The following RMST variants were observed in gnomAD, a reference collection of about 807,000 sequenced individuals.
RMST encodes rhabdomyosarcoma 2 associated transcript, also known as long intergenic non-protein coding RNA 54.
intron 5 of RMST, among the ~76,000 whole-genome samples, chr12:97,482,697 T>TAATAAATA (rs10629655): frequency 3.1e-5 from 2 of 65,076 alleles, no homozygotes; most frequent in African/African-American, 9.0e-5. Flanking sequence ...ATTATTTATT[T>TAATAAATA]AATAAATAAA....
At chr12:97,496,929 A>G (rs1241869281) in intron 10 of RMST, among the ~76,000 whole-genome samples, 2 of 152,214 alleles carry the variant, frequency 1.3e-5, no homozygotes, top group Non-Finnish European at 2.9e-5. Context: ...TAGGAAGACT[A>G]AAGTTCTGAG....
chr12:97,560,376 C>G (rs547456405), intron 11 of RMST, among the ~76,000 whole-genome samples: 2 of 152,208 alleles, frequency 1.3e-5, no homozygotes, highest in Admixed American at 1.3e-4. Context: ...AAAGCAGCTG[C>G]GTTTTTGTAA....
intron 11 of RMST, among the ~76,000 whole-genome samples, chr12:97,535,145 CT>C (rs1483268565): frequency 6.6e-6 from 1 of 151,514 alleles, no homozygotes. Context: ...GGAATTACTT[CT>C]TGTAATTTGT....
rs117753902 is a variant in RMST at position 97,501,147 on chromosome 12, G to A, written n.1340+5091G>A. 3.9e-4 allele frequency among the ~76,000 whole-genome samples: 59 copies of A among 152,246 alleles called. 1 individual carries two copies. The East Asian group carries it at 0.01, about 27-fold the overall frequency. ...GGAATATGACCTAGCTGAAGATAAG[G>A]CAGTTTTCTTATTCATTAGCAGAAG... On this transcript the variant is annotated intron_variant and non_coding_transcript_variant, in intron 10 of 13. Transcript: ENST00000640149.
chr12:97,495,345 G>A (rs568753255), intron 9 of RMST, among the ~76,000 whole-genome samples: 14 of 152,024 alleles, frequency 9.2e-5, no homozygotes, highest in South Asian at 2.1e-4. Context: ...TGGCGATTGT[G>A]TCTACTATTG....
chr12:97,463,430 C>T (rs1047760947), intron 4 of RMST: 13 of 152,340 alleles, frequency 8.5e-5, no homozygotes, highest in African/African-American at 3.1e-4. Context: ...CTGTGTTCTC[C>T]GGGCTTTGTG....
chr12:97,529,747 C>G (rs148684441), intron 10 of RMST, among the ~76,000 whole-genome samples: 12 of 152,004 alleles, frequency 7.9e-5, no homozygotes, highest in African/African-American at 2.2e-4. Context: ...AATGCTTCTA[C>G]GCATTACCTA....
At position 97,482,079 on chromosome 12, in the gene RMST, A is replaced by G. The variant is rs555809915; in HGVS notation, n.645-10382A>G. On this transcript the variant is annotated intron_variant and non_coding_transcript_variant, in intron 5 of 13. Coordinates refer to ENST00000640149, the Ensembl canonical transcript of RMST. ...CCTCCTAATATCAGAGAAGGAACAA[A>G]CATACATGCCTTAAGGAATCCCTTT... is the stretch of plus-strand genomic sequence containing the variant. Among the ~76,000 whole-genome samples, 281 of 152,340 alleles carry G rather than the reference A, an allele frequency of 1.8e-3. 3 individuals are homozygous for G. Among genetic ancestry groups the G allele is most frequent in the Middle Eastern group, 6.8e-3 (2 of 294 alleles).
intron 13 of RMST, chr12:97,563,659 A>G (rs1474605535): frequency 2.5e-6 from 1 of 404,698 alleles, no homozygotes; most frequent in Non-Finnish European, 4.8e-6. Context: ...TCGTGGAAGG[A>G]TAAAATCTTG....
intron 11 of RMST, among the ~76,000 whole-genome samples, chr12:97,543,510 C>G (rs1192931033): frequency 6.6e-6 from 1 of 152,012 alleles, no homozygotes; most frequent in Non-Finnish European, 1.5e-5. Context: ...TTCACAATCA[C>G]TGGGATAATG....
At chr12:97,466,930 C>T (rs1873259129) in intron 5 of RMST, among the ~76,000 whole-genome samples, 1 of 151,912 alleles carries the variant, frequency 6.6e-6, no homozygotes, top group African/African-American at 2.4e-5. Context: ...TTTGACACTT[C>T]CTTAGGAGAA....
intron 5 of RMST, among the ~76,000 whole-genome samples, chr12:97,489,101 CAATT>C (rs1213288630): frequency 6.6e-6 from 1 of 152,086 alleles, no homozygotes; most frequent in Non-Finnish European, 1.5e-5. Flanking sequence ...GATATAAAAA[CAATT>C]AAGCAAGCAA....
chr12:97,559,349 G>T (rs979770109), intron 11 of RMST, among the ~76,000 whole-genome samples: 2 of 152,152 alleles, frequency 1.3e-5, no homozygotes, highest in African/African-American at 4.8e-5. Context: ...GGAAATGACA[G>T]CATTGGCTTT....
intron 5 of RMST, among the ~76,000 whole-genome samples, chr12:97,471,020 G>A (rs556797386): frequency 1.3e-5 from 2 of 152,142 alleles, no homozygotes; most frequent in East Asian, 1.9e-4. Flanking sequence ...ATATGCAAAG[G>A]TGTAGCCTCG....
At chr12:97,515,497 T>C (rs926984454) in intron 10 of RMST, among the ~76,000 whole-genome samples, 2 of 152,120 alleles carry the variant, frequency 1.3e-5, no homozygotes, top group Admixed American at 6.5e-5. Context: ...AACCAGTTCA[T>C]GTCTGTTCAG....
chr12:97,470,248 C>T (rs544518388), intron 5 of RMST, among the ~76,000 whole-genome samples: 126 of 152,192 alleles, frequency 8.3e-4, no homozygotes, highest in African/African-American at 2.9e-3. Flanking sequence ...ACATTTTTTA[C>T]CGTGTCTGTG....
chr12:97,531,458 C>A (rs1365776020), intron 11 of RMST, among the ~76,000 whole-genome samples: 2 of 151,908 alleles, frequency 1.3e-5, no homozygotes, highest in Admixed American at 1.3e-4. Flanking sequence ...CGTGTATTTT[C>A]TTTTTACTGT....
intron 5 of RMST, among the ~76,000 whole-genome samples, chr12:97,468,372 C>T (rs1046164092): frequency 1.8e-4 from 27 of 152,128 alleles, no homozygotes; most frequent in Middle Eastern, 3.4e-3. Flanking sequence ...AGACTCGTTA[C>T]GTCCCTGAAT....
intron 5 of RMST, among the ~76,000 whole-genome samples, chr12:97,480,180 T>TC (rs1435764017): frequency 1.3e-5 from 2 of 151,340 alleles, no homozygotes; most frequent in Non-Finnish European, 2.9e-5. Flanking sequence ...AAGCTCTGCC[T>TC]GCGGGTTCAT....
Sources: allele counts gnomAD v4.1 joint callset (sites outside exome capture counted in the v4.1 genomes callset), GRCh38; gene constraint gnomAD v4.1.1; transcripts MANE v1.5; gene names NCBI Gene and HGNC (gene_info 2026-07-23, HGNC 2026-07-21).